The following IQANK1 variants were observed in gnomAD, a reference collection of about 807,000 sequenced individuals.
The protein encoded by IQANK1 is IQ motif and ankyrin repeat containing 1.
A neutral mutation model predicts 22.6 loss-of-function variants in IQANK1; 30 were observed. The ratio of observed to expected loss-of-function variants is 1.33; its 90% confidence interval spans 0.99 to 1.80. IQANK1 has a LOEUF of 1.80. Among genes scored for constraint, IQANK1 ranks in the 40% most tolerant of loss-of-function variants. The pLI is 0.00. For synonymous variants in IQANK1, 122 were observed against 99.6 expected (o/e 1.23, Z -1.34); for missense variants, 275 against 235.2 (o/e 1.17, Z -1.11).
At chr8:143,746,590 C>T (rs570541285) in intron 3 of IQANK1, among the ~76,000 whole-genome samples, 64 of 152,276 alleles carry the variant, frequency 4.2e-4, no homozygotes, top group Non-Finnish European at 8.4e-4. Context: ...ACTATGTTGT[C>T]CAGACTGCTC....
In IQANK1 at chr8:143,749,587, A is replaced by AT. The variant is rs1231782407; in HGVS notation, c.175+9642dup. On this transcript the variant is annotated intron_variant, in intron 3 of 13. Coordinates refer to ENST00000527139, the MANE Select transcript of IQANK1 (RefSeq NM_001381874.1). ...TATATCAATCATATATATATATTTT[A>AT]TTTATTTATTTATTTTTTTTTTTTT... Among the ~76,000 whole-genome samples the AT allele has an allele frequency of 1.8e-4, 23 of 125,868 alleles. No individual in the cohort carries two copies. The East Asian group carries it at 2.2e-3, about 12-fold the overall frequency. 82.6% of individuals were successfully genotyped at this position (125,868 alleles called of 152,430 possible).
At chr8:143,755,900 G>C (rs1046303056) in intron 3 of IQANK1, among the ~76,000 whole-genome samples, 18 of 151,976 alleles carry the variant, frequency 1.2e-4, no homozygotes, top group African/African-American at 2.9e-4. Context: ...GGCAGCCTTG[G>C]GGGGAGGAAG....
In IQANK1 at chr8:143,735,579, G is replaced by A. The variant is rs1818714459; in HGVS notation, c.-4-271G>A. Among the ~76,000 whole-genome samples, 1 of 152,168 alleles carries A rather than the reference G, an allele frequency of 6.6e-6. No individual in the cohort carries two copies. Among genetic ancestry groups the A allele is most frequent in the Admixed American group, 6.5e-5 (1 of 15,284 alleles). ...TCCAGATCCTGCGCCCGGCAGGATG[G>A]GCTGAGCCTGGGGCGGAGGGGCAGG... is the stretch of plus-strand genomic sequence containing the variant. On this transcript the variant is annotated intron_variant, in intron 1 of 13. Coordinates refer to ENST00000527139, the MANE Select transcript of IQANK1 (RefSeq NM_001381874.1). The surrounding 1 kb of genome is among the most constrained non-coding windows in gnomAD (Gnocchi z 5.2).
Position 143,774,140 on chromosome 8 carries a change from T to G in IQANK1, c.789+1658T>G, listed in dbSNP as rs1819637904. Among the ~76,000 whole-genome samples, 1 of 149,658 alleles carries G rather than the reference T, an allele frequency of 6.7e-6. No homozygotes were observed. On this transcript the variant is annotated intron_variant, in intron 7 of 13. Transcript: ENST00000527139. The surrounding 1 kb of genome is among the most constrained non-coding windows in gnomAD (Gnocchi z 4.2). The stretch of plus-strand genomic sequence containing the variant: ...AGAAAAATCTTTGGGGCCTAGGACT[T>G]GGAGGGATTCTTGGACATGACACAA...
rs567140613 is a variant in IQANK1 at position 143,770,858 on chromosome 8, G to A, written c.176-630G>A. On this transcript the variant is annotated intron_variant, in intron 3 of 13. Transcript: ENST00000527139. Reference sequence around the variant, plus strand: ...GCAAGGGGCTCAGGCCGGGGAGGCTGAGTGGTGCCCGGACTTCCCCAGGCC... The same window carrying A: ...GCAAGGGGCTCAGGCCGGGGAGGCTAAGTGGTGCCCGGACTTCCCCAGGCC... Among the ~76,000 whole-genome samples, 121 of 152,376 alleles carry A rather than the reference G, an allele frequency of 7.9e-4. 1 individual carries two copies. Among genetic ancestry groups the A allele is most frequent in the African/African-American group, 2.8e-3 (118 of 41,600 alleles).
At chr8:143,762,377 G>A (rs1172120548) in intron 3 of IQANK1, among the ~76,000 whole-genome samples, 1 of 152,202 alleles carries the variant, frequency 6.6e-6, no homozygotes, top group African/African-American at 2.4e-5. Flanking sequence ...GGACCACAGT[G>A]TAGACGGCTG....
intron 3 of IQANK1, among the ~76,000 whole-genome samples, chr8:143,749,217 CAT>C (rs1290869360): frequency 4.3e-5 from 5 of 115,430 alleles, no homozygotes; most frequent in African/African-American, 1.1e-4. Flanking sequence ...TCATATATAT[CAT>C]ATATAAATAT....
rs116278432 is a variant in IQANK1, at chr8:143,774,232, T to C, written c.789+1750T>C. On this transcript the variant is annotated intron_variant, in intron 7 of 13. Transcript: ENST00000527139. This position sits in a 1 kb window ranked among gnomAD's most constrained non-coding sequence, Gnocchi z 4.2. ...AGAACTTCATCAGAATGTAAAATGT[T>C]TGCTTTGTAAAAGACCTGTCAAGAA... is the stretch of plus-strand genomic sequence containing the variant. Among the ~76,000 whole-genome samples the C allele has an allele frequency of 0.015, 2,250 of 151,066 alleles. 55 individuals are homozygous for C. The highest frequency in any genetic ancestry group is 0.051 in the African/African-American group (2,108 of 41,226).
chr8:143,738,221 C>T (rs886147682), intron 2 of IQANK1, among the ~76,000 whole-genome samples: 2 of 152,200 alleles, frequency 1.3e-5, no homozygotes, highest in Non-Finnish European at 2.9e-5. Context: ...AACTCGACTT[C>T]GTTTCCCAGA....
At chr8:143,745,679 C>G (rs1256039204) in intron 3 of IQANK1, 4 of 152,186 alleles carry the variant, frequency 2.6e-5, no homozygotes, top group Non-Finnish European at 5.9e-5. Context: ...CTCAGCCTCC[C>G]AAAGTGCTGG....
chr8:143,742,318 G>A (rs1554626647), intron 3 of IQANK1: 2 of 448,630 alleles, frequency 4.5e-6, no homozygotes, highest in African/African-American at 2.0e-5. Flanking sequence ...GGCTTCCCTT[G>A]CTGCTGCCCG....
chr8:143,765,030 C>CAAAAAAT (rs1267421343), intron 3 of IQANK1, among the ~76,000 whole-genome samples: 1 of 152,012 alleles, frequency 6.6e-6, no homozygotes, highest in Non-Finnish European at 1.5e-5. Context: ...ATACAATTTT[C>CAAAAAAT]AAAAAATAAA....
intron 3 of IQANK1, among the ~76,000 whole-genome samples, chr8:143,769,882 C>T (rs1393350309): frequency 6.6e-6 from 1 of 152,226 alleles, no homozygotes; most frequent in African/African-American, 2.4e-5. Context: ...CTACTGTTTT[C>T]CCTGCAGAAT....
chr8:143,788,328 A>G (rs1490100358), intron 7 of IQANK1, among the ~76,000 whole-genome samples: 2 of 152,208 alleles, frequency 1.3e-5, no homozygotes, highest in East Asian at 3.8e-4. Context: ...TGCTCCACAG[A>G]CAAGGAGGGC....
At chr8:143,770,142 T>C (rs1475210126) in intron 3 of IQANK1, among the ~76,000 whole-genome samples, 8 of 152,240 alleles carry the variant, frequency 5.3e-5, no homozygotes, top group African/African-American at 1.9e-4. Context: ...TTTCCTGTCA[T>C]AGGTGCTTTG....
At chr8:143,750,828 T>A (rs993620946) in intron 3 of IQANK1, among the ~76,000 whole-genome samples, 11 of 152,022 alleles carry the variant, frequency 7.2e-5, no homozygotes, top group Non-Finnish European at 1.3e-4. Flanking sequence ...AAACAAAAAA[T>A]AAAATAAAAT....
intron 7 of IQANK1, among the ~76,000 whole-genome samples, chr8:143,780,086 T>G (rs1162228183): frequency 6.6e-6 from 1 of 152,138 alleles, no homozygotes; most frequent in Non-Finnish European, 1.5e-5. Flanking sequence ...ATGTAGTAAC[T>G]ACCTGACTCA....
At chr8:143,777,408 C>A (rs1343017957) in intron 7 of IQANK1, among the ~76,000 whole-genome samples, 1 of 150,412 alleles carries the variant, frequency 6.6e-6, no homozygotes, top group Admixed American at 6.6e-5. Flanking sequence ...CCCAGCTGCT[C>A]AGGGGGCTGA....
intron 3 of IQANK1, among the ~76,000 whole-genome samples, chr8:143,764,175 C>A (rs56995836): frequency 0.02 from 3,102 of 152,030 alleles, 99 homozygotes; most frequent in African/African-American, 0.063. Flanking sequence ...ATTCCACCTG[C>A]ACAGGAAAGG....
Sources: allele counts gnomAD v4.1 joint callset (sites outside exome capture counted in the v4.1 genomes callset), GRCh38; gene constraint gnomAD v4.1.1; non-coding constraint Gnocchi (gnomAD v3.1); transcripts MANE v1.5; gene names NCBI Gene and HGNC (gene_info 2026-07-23, HGNC 2026-07-21).